Variants in TAFA5 observed in about 807,000 individuals in gnomAD.
TAFA5 encodes the protein chemokine-like protein TAFA-5.
TAFA5 carries 6 observed loss-of-function variants against 15.3 expected under a neutral mutation model. That is an observed-to-expected ratio of 0.39 (90% CI 0.21 to 0.77). The LOEUF is 0.77. Among genes scored for constraint, TAFA5 ranks in the 30% least tolerant of loss-of-function variants. The pLI, the probability that TAFA5 is intolerant of heterozygous loss-of-function variation, is 0.41. For synonymous variants in TAFA5, 103 were observed against 80.7 expected (o/e 1.28, Z -1.48); for missense variants, 161 against 193.1 (o/e 0.83, Z 0.98).
chr22:48,680,310 G>A (rs1366056118), intron 2 of TAFA5, among the ~76,000 whole-genome samples: 1 of 152,216 alleles, frequency 6.6e-6, no homozygotes, highest in African/African-American at 2.4e-5. Flanking sequence ...GCCAGCTTTT[G>A]CTGGGTTCTC....
At chr22:48,583,248 A>C (rs1569034747) in intron 1 of TAFA5, among the ~76,000 whole-genome samples, 1 of 149,872 alleles carries the variant, frequency 6.7e-6, no homozygotes, top group East Asian at 2.0e-4. Context: ...CACCGCACAC[A>C]CACCACACAC....
Position 48,648,510 on chromosome 22 carries a change from G to C in TAFA5, c.262+1764G>C, listed in dbSNP as rs369146583. On this transcript the variant is annotated intron_variant, in intron 2 of 3. Transcript: ENST00000402357. ...CAGAGACAGGGCCAAGGCATCCTGA[G>C]CACTCCACAGAGGGAGGCGGCTGCA... Among the ~76,000 whole-genome samples, 6 of 152,292 alleles carry C rather than the reference G, an allele frequency of 3.9e-5. No homozygotes were observed. In the East Asian group the frequency reaches 5.8e-4, roughly 15 times the overall value.
chr22:48,674,721 G>C (rs1250960671), intron 2 of TAFA5, among the ~76,000 whole-genome samples: 2 of 152,094 alleles, frequency 1.3e-5, no homozygotes, highest in East Asian at 3.9e-4. Flanking sequence ...GCCGTGGGGA[G>C]GGGGGCCACC....
At position 48,502,181 on chromosome 22, in the gene TAFA5, CAAG is replaced by C. The variant is rs145605965; in HGVS notation, c.112+12482_112+12484del. Among the ~76,000 whole-genome samples, 1,499 of 152,302 alleles carry C rather than the reference CAAG, an allele frequency of 9.8e-3. 21 individuals are homozygous for C. The highest frequency in any genetic ancestry group is 0.052 in the East Asian group (269 of 5,188). ...TTCTTTTTAAAAATCCATTGGATAA[CAAG>C]AAGACTGAGGAGTCTGCCTGTCCTG... On this transcript the variant is annotated intron_variant, in intron 1 of 3. Transcript: ENST00000402357.
intron 1 of TAFA5, among the ~76,000 whole-genome samples, chr22:48,583,204 C>T (rs1924156745): frequency 6.8e-6 from 1 of 146,738 alleles, no homozygotes; most frequent in African/African-American, 2.5e-5. Flanking sequence ...ACAAAATATA[C>T]ACATACCACA....
At chr22:48,582,254 C>A (rs1924076667) in intron 1 of TAFA5, among the ~76,000 whole-genome samples, 1 of 151,808 alleles carries the variant, frequency 6.6e-6, no homozygotes, top group Non-Finnish European at 1.5e-5. Context: ...TACCATACAC[C>A]CCACATACTG....
In TAFA5 at chr22:48,646,751, G is replaced by A; in HGVS notation, c.262+5G>A. 1 of 1,568,020 alleles carries A rather than the reference G, an allele frequency of 6.4e-7. No homozygotes were observed. The highest frequency in any genetic ancestry group is 8.6e-7 in the Non-Finnish European group (1 of 1,161,378). On this transcript the variant is annotated splice_donor_5th_base_variant and intron_variant, in intron 2 of 3. Coordinates refer to ENST00000402357, the MANE Select transcript of TAFA5 (RefSeq NM_001082967.3). Reference sequence around the variant, plus strand: ...CCCGGCCCGCCTGTGTGGACGGTAAGCACCCGTGGCCCCAGGACCCCTCCG... The same window carrying A: ...CCCGGCCCGCCTGTGTGGACGGTAAACACCCGTGGCCCCAGGACCCCTCCG...
chr22:48,542,243 C>T (rs1922420131), intron 1 of TAFA5, among the ~76,000 whole-genome samples: 1 of 95,230 alleles, frequency 1.1e-5, no homozygotes, highest in Non-Finnish European at 2.0e-5. Context: ...TGTGTGTGTG[C>T]ATATGTGTGT....
At chr22:48,512,033 G>C (rs1475565421) in intron 1 of TAFA5, among the ~76,000 whole-genome samples, 1 of 152,236 alleles carries the variant, frequency 6.6e-6, no homozygotes, top group Non-Finnish European at 1.5e-5. Context: ...AGAAGCTGAT[G>C]GCCACGGTTC....
chr22:48,527,168 T>A (rs1921808856), intron 1 of TAFA5, among the ~76,000 whole-genome samples: 1 of 152,268 alleles, frequency 6.6e-6, no homozygotes, highest in Non-Finnish European at 1.5e-5. Context: ...GTTCACCCTC[T>A]GGAGGCTGTG....
intron 1 of TAFA5, among the ~76,000 whole-genome samples, chr22:48,500,659 C>A (rs560597201): frequency 6.6e-6 from 1 of 152,348 alleles, no homozygotes; most frequent in East Asian, 1.9e-4. Flanking sequence ...GCCTGACTTG[C>A]GCTTCCCGTG....
intron 1 of TAFA5, chr22:48,539,282 C>T (rs1198808653): frequency 8.8e-6 from 4 of 456,292 alleles, no homozygotes; most frequent in Non-Finnish European, 1.8e-5. Flanking sequence ...CAGAAAGACC[C>T]TGGCGGACTC....
chr22:48,570,143 A>T (rs909104985), intron 1 of TAFA5, among the ~76,000 whole-genome samples: 1 of 152,132 alleles, frequency 6.6e-6, no homozygotes, highest in Non-Finnish European at 1.5e-5. Flanking sequence ...GATTCTGCCT[A>T]TTGGTCAAGG....
chr22:48,603,188 C>T (rs1014018484), intron 1 of TAFA5, among the ~76,000 whole-genome samples: 4 of 152,256 alleles, frequency 2.6e-5, no homozygotes, highest in Non-Finnish European at 4.4e-5. Flanking sequence ...CCGTGCATTC[C>T]TCTGGGCCCT....
intron 2 of TAFA5, among the ~76,000 whole-genome samples, chr22:48,676,213 C>A (rs1927966513): frequency 6.6e-6 from 1 of 152,272 alleles, no homozygotes; most frequent in African/African-American, 2.4e-5. Context: ...AGAGCCTGGA[C>A]AGCGTCCACC....
chr22:48,732,127 G>T (rs1436678985), intron 3 of TAFA5, among the ~76,000 whole-genome samples: 3 of 152,252 alleles, frequency 2.0e-5, no homozygotes, highest in Non-Finnish European at 2.9e-5. Flanking sequence ...TGTGATGGAA[G>T]TAGGAAGAGA....
chr22:48,690,961 G>A lies in TAFA5; in HGVS notation c.263-16756G>A, dbSNP rs555648656. 2.2e-3 allele frequency among the ~76,000 whole-genome samples: 332 copies of A among 152,256 alleles called. 2 individuals carry two copies. The highest frequency in any genetic ancestry group is 3.1e-3 in the Non-Finnish European group (209 of 67,998). ...CACATCTGGATGGGGTCCAGAGAGC[G>A]CCCACAGCATCTGCCTGGAAGCAGC... is the stretch of plus-strand genomic sequence containing the variant. On this transcript the variant is annotated intron_variant, in intron 2 of 3. Transcript: ENST00000402357.
intron 1 of TAFA5, among the ~76,000 whole-genome samples, chr22:48,583,640 C>G (rs1226923346): frequency 6.6e-6 from 1 of 150,512 alleles, no homozygotes; most frequent in Non-Finnish European, 1.5e-5. Context: ...ATACACAAAC[C>G]ACACACAAAA....
At chr22:48,509,574 T>C (rs1431614469) in intron 1 of TAFA5, among the ~76,000 whole-genome samples, 1 of 152,222 alleles carries the variant, frequency 6.6e-6, no homozygotes, top group African/African-American at 2.4e-5. Flanking sequence ...TGATTAGTGA[T>C]GTGGGGCCTT....
Sources: gnomAD v4.1 joint callset for allele counts (sites outside exome capture counted in the v4.1 genomes callset) on GRCh38, gnomAD v4.1.1 for gene constraint, MANE v1.5 for transcripts, NCBI Gene and HGNC (gene_info 2026-07-23, HGNC 2026-07-21) for gene names.